The following WASF1 variants were observed in gnomAD, a reference collection of about 807,000 sequenced individuals.
WASF1 encodes WASP family member 1, also known as actin-binding protein WASF1.
Under a neutral mutation model 50.5 loss-of-function variants are expected in WASF1, and 7 were observed. The ratio of observed to expected loss-of-function variants is 0.14; its 90% CI spans 0.08 to 0.26. WASF1 has a LOEUF of 0.26. Among genes scored for constraint, WASF1 ranks in the 10% least tolerant of loss-of-function variants. WASF1 has a pLI of 1.00. For missense variants in WASF1, 470 were observed against 694.7 expected (o/e 0.68, Z 3.64); for synonymous variants, 205 against 244.0 (o/e 0.84, Z 1.49).
chr6:110,104,703 C>T (rs547653451), intron 8 of WASF1, among the ~76,000 whole-genome samples: 14 of 152,232 alleles, frequency 9.2e-5, no homozygotes, highest in Admixed American at 2.0e-4. Flanking sequence ...GTGGGAGAAT[C>T]GCTTGAACCC....
chr6:110,121,358 C>G (rs1327249076), intron 4 of WASF1, among the ~76,000 whole-genome samples: 1 of 152,108 alleles, frequency 6.6e-6, no homozygotes, highest in Non-Finnish European at 1.5e-5. Flanking sequence ...ACAACCCGAT[C>G]AAAAAGTGGA....
chr6:110,155,268 G>A (rs1776010052), intron 3 of WASF1, among the ~76,000 whole-genome samples: 1 of 151,952 alleles, frequency 6.6e-6, no homozygotes, highest in Non-Finnish European at 1.5e-5. Context: ...GTACACCTAA[G>A]TATGCTTTTT....
chr6:110,155,617 T>C (rs1180599752), intron 3 of WASF1, among the ~76,000 whole-genome samples: 1 of 78,134 alleles, frequency 1.3e-5, no homozygotes, highest in African/African-American at 5.4e-5. Flanking sequence ...GTTAGTTACA[T>C]ATGTATACAT....
chr6:110,148,213 G>A (rs1275876331), intron 3 of WASF1, among the ~76,000 whole-genome samples: 1 of 151,886 alleles, frequency 6.6e-6, no homozygotes, highest in Non-Finnish European at 1.5e-5. Flanking sequence ...TATGAAAAAC[G>A]GCAGTACTGA....
chr6:110,108,169 C>CAA (rs1320935564), intron 6 of WASF1, among the ~76,000 whole-genome samples: 116 of 116,758 alleles, frequency 9.9e-4, no homozygotes, highest in Non-Finnish European at 1.6e-3. Flanking sequence ...AAAGAGTAGA[C>CAA]AAAACAAGCA....
In WASF1 at chr6:110,108,590, T is replaced by C; in HGVS notation, c.360A>G (p.Pro120=). ...QLFDRKTLPI[P]LQETYDVCEQ... is the part of the protein sequence containing the mutation. ...CACAAACATCGTACGTCTCCTGTAA[T>C]GGAATAGGCAAAGTCTTGCGATCGA... Residue 120 remains proline, a synonymous_variant, in exon 6 of 11, where the codon CCA becomes CCG. Coordinates refer to ENST00000392589, the MANE Select transcript of WASF1 (RefSeq NM_003931.3). 1.9e-6 allele frequency: 3 copies of C among 1,614,090 alleles called. No homozygotes were observed. The highest frequency in any genetic ancestry group is 2.5e-6 in the Non-Finnish European group (3 of 1,179,968).
intron 3 of WASF1, among the ~76,000 whole-genome samples, chr6:110,138,768 G>C (rs1381797994): frequency 6.6e-6 from 1 of 152,202 alleles, no homozygotes; most frequent in Non-Finnish European, 1.5e-5. Flanking sequence ...TCAGAAGGGA[G>C]GAAGAGCATG....
chr6:110,126,995 T>C (rs925424945), intron 4 of WASF1, among the ~76,000 whole-genome samples: 4 of 152,164 alleles, frequency 2.6e-5, no homozygotes, highest in African/African-American at 9.7e-5. Flanking sequence ...CCCACTTGAC[T>C]AGCCTACCCC....
chr6:110,148,658 T>C (rs1026307538), intron 3 of WASF1, among the ~76,000 whole-genome samples: 4 of 152,174 alleles, frequency 2.6e-5, no homozygotes, highest in Non-Finnish European at 5.9e-5. Flanking sequence ...GTTGTCCTAA[T>C]GGAAAACCCT....
intron 3 of WASF1, among the ~76,000 whole-genome samples, chr6:110,143,138 TTAA>T (rs1037009650): frequency 1.3e-5 from 2 of 151,910 alleles, no homozygotes; most frequent in African/African-American, 4.8e-5. Flanking sequence ...AGCTAAAATC[TTAA>T]TAATCTGTTT....
intron 4 of WASF1, among the ~76,000 whole-genome samples, chr6:110,119,860 T>C (rs1435544271): frequency 6.6e-6 from 1 of 152,152 alleles, no homozygotes; most frequent in African/African-American, 2.4e-5. Context: ...GTCAGCTTCA[T>C]CCCTGGGATG....
intron 3 of WASF1, among the ~76,000 whole-genome samples, chr6:110,144,615 T>C (rs1775447777): frequency 6.6e-6 from 1 of 152,234 alleles, no homozygotes; most frequent in South Asian, 2.1e-4. Flanking sequence ...TGTAAGTCTT[T>C]AATCCATCTT....
intron 2 of WASF1, among the ~76,000 whole-genome samples, chr6:110,161,426 C>T (rs987016718): frequency 6.6e-6 from 1 of 151,558 alleles, no homozygotes; most frequent in Non-Finnish European, 1.5e-5. Context: ...CTTTCTTCCA[C>T]ATATTGATCC....
At chr6:110,114,696 C>CA in intron 4 of WASF1, among the ~76,000 whole-genome samples, 1 of 151,032 alleles carries the variant, frequency 6.6e-6, no homozygotes, top group South Asian at 2.1e-4. Context: ...GGTTTGGCCT[C>CA]AAAAATGTCA....
chr6:110,147,017 C>G (rs745719209), intron 3 of WASF1, among the ~76,000 whole-genome samples: 1 of 152,082 alleles, frequency 6.6e-6, no homozygotes, highest in Non-Finnish European at 1.5e-5. Flanking sequence ...GCCCTAAGAA[C>G]AGTGCTATCT....
chr6:110,148,091 T>C (rs1775658610), intron 3 of WASF1, among the ~76,000 whole-genome samples: 1 of 152,170 alleles, frequency 6.6e-6, no homozygotes. Context: ...AAATTGAAGT[T>C]TGAGGCATCT....
At chr6:110,147,924 T>G (rs542557488) in intron 3 of WASF1, among the ~76,000 whole-genome samples, 135 of 152,262 alleles carry the variant, frequency 8.9e-4, no homozygotes, top group African/African-American at 3.1e-3. Context: ...TTTTTAAATT[T>G]TTTGAAGAGA....
At chr6:110,145,092 C>T (rs922585958) in intron 3 of WASF1, among the ~76,000 whole-genome samples, 1 of 152,166 alleles carries the variant, frequency 6.6e-6, no homozygotes, top group Non-Finnish European at 1.5e-5. Context: ...TACCCATGAG[C>T]ATGGAATGTT....
At chr6:110,142,600 T>C (rs192423479) in intron 3 of WASF1, among the ~76,000 whole-genome samples, 27 of 152,262 alleles carry the variant, frequency 1.8e-4, no homozygotes, top group African/African-American at 6.5e-4. Context: ...TTTCATGGGA[T>C]CCTTTGTCAG....
Sources: allele counts gnomAD v4.1 joint callset (sites outside exome capture counted in the v4.1 genomes callset), GRCh38; gene constraint gnomAD v4.1.1; transcripts MANE v1.5; gene names NCBI Gene and HGNC (gene_info 2026-07-23, HGNC 2026-07-21).